PAK3: variants seen among roughly 807,000 people sequenced by gnomAD.
PAK3 encodes serine/threonine-protein kinase PAK 3.
Under a neutral mutation model 41.0 loss-of-function variants are expected in PAK3, and 4 were observed. The ratio of observed to expected loss-of-function variants is 0.10; its 90% CI spans 0.05 to 0.22. The LOEUF is 0.22. PAK3 is among the 10% of genes least tolerant of loss of function. The pLI is 1.00. For synonymous variants in PAK3, 146 were observed against 139.6 expected, an observed-to-expected ratio of 1.05 and a Z score of -0.32; for missense variants, 205 against 409.9, an observed-to-expected ratio of 0.50 and a Z score of 4.32.
chrX:111,089,803 A>G (rs765474783), intron 1 of PAK3, among the ~76,000 whole-genome samples: 2 of 111,137 alleles, frequency 1.8e-5, no homozygotes, highest in South Asian at 7.7e-4. Flanking sequence ...CTGTGAAATT[A>G]AAGAATTTAG....
At chrX:111,064,618 A>C (rs1241278273) in intron 1 of PAK3, among the ~76,000 whole-genome samples, 1 of 112,311 alleles carries the variant, frequency 8.9e-6, no homozygotes, top group Non-Finnish European at 1.9e-5. Context: ...GCTGCAAAGG[A>C]CATGATTTCA....
chrX:111,013,091 G>C (rs772703439), intron 1 of PAK3, among the ~76,000 whole-genome samples: 43 of 112,593 alleles, frequency 3.8e-4, no homozygotes, highest in Non-Finnish European at 6.6e-4. Flanking sequence ...TTCATATGTG[G>C]TTTGATTTAT....
At chrX:111,108,616 G>C (rs186463899) in intron 4 of PAK3, among the ~76,000 whole-genome samples, 1 of 112,585 alleles carries the variant, frequency 8.9e-6, no homozygotes, top group African/African-American at 3.2e-5. Flanking sequence ...GATGCCTGAT[G>C]ATCTGAGATG....
intron 1 of PAK3, among the ~76,000 whole-genome samples, chrX:110,963,074 C>T (rs915509396): frequency 8.9e-6 from 1 of 112,277 alleles, no homozygotes; most frequent in Admixed American, 9.4e-5. Flanking sequence ...GGCCTTGATG[C>T]AGGCACTATC....
At chrX:110,955,181 T>C (rs1332418264) in intron 1 of PAK3, among the ~76,000 whole-genome samples, 1 of 112,270 alleles carries the variant, frequency 8.9e-6, no homozygotes, top group Non-Finnish European at 1.9e-5. Context: ...ATTTCCAGAC[T>C]ATACGTATGG....
chrX:111,092,647 G>A (rs2092938774), upstream of PAK3, among the ~76,000 whole-genome samples: 1 of 111,521 alleles, frequency 9.0e-6, no homozygotes, highest in Non-Finnish European at 1.9e-5. Flanking sequence ...AGTTTCACAG[G>A]TGTATACTTA....
intron 16 of PAK3, among the ~76,000 whole-genome samples, chrX:111,207,287 G>A (rs1447746143): frequency 9.1e-6 from 1 of 110,062 alleles, no homozygotes; most frequent in African/African-American, 3.3e-5. Context: ...TGATCCACGG[G>A]TGTGAAATCC....
chrX:110,978,479 G>T (rs1239876770), intron 1 of PAK3, among the ~76,000 whole-genome samples: 1 of 110,771 alleles, frequency 9.0e-6, no homozygotes, highest in Non-Finnish European at 1.9e-5. Flanking sequence ...TGATATGGTG[G>T]ATTACAATGG....
intron 1 of PAK3, among the ~76,000 whole-genome samples, chrX:111,088,401 T>C (rs1218355865): frequency 1.8e-5 from 2 of 111,847 alleles, no homozygotes. Context: ...GACGTCTATG[T>C]AATAATGTCC....
At chrX:111,012,411 T>C (rs1283651155) in intron 1 of PAK3, among the ~76,000 whole-genome samples, 1 of 112,103 alleles carries the variant, frequency 8.9e-6, no homozygotes, top group Non-Finnish European at 1.9e-5. Flanking sequence ...CTAACTGGAC[T>C]AATTTCTCCA....
intron 16 of PAK3, among the ~76,000 whole-genome samples, chrX:111,207,107 T>C (rs1603390725): frequency 1.8e-5 from 2 of 108,226 alleles, no homozygotes; most frequent in African/African-American, 3.4e-5. Flanking sequence ...TGTATATATA[T>C]ATACATATAT....
At chrX:111,160,050 T>G (rs2094150897) in intron 8 of PAK3, among the ~76,000 whole-genome samples, 1 of 111,777 alleles carries the variant, frequency 8.9e-6, no homozygotes, top group African/African-American at 3.3e-5. Flanking sequence ...ATTAATAGGC[T>G]GCCTATAACT....
intron 5 of PAK3, 59 bp downstream of exon 5, chrX:111,123,337 T>C: frequency 9.9e-7 from 1 of 1,012,506 alleles, no homozygotes; most frequent in Non-Finnish European, 1.4e-6. Flanking sequence ...ATTTTCACTT[T>C]CTTTCTTAGG....
chrX:111,034,132 C>A, intron 1 of PAK3, among the ~76,000 whole-genome samples: 1 of 111,240 alleles, frequency 9.0e-6, no homozygotes, highest in Non-Finnish European at 1.9e-5. Flanking sequence ...ATGAGGAAGG[C>A]AGCTAGAGAG....
chrX:111,125,506 A>G (rs1344009156), intron 5 of PAK3, among the ~76,000 whole-genome samples: 1 of 111,639 alleles, frequency 9.0e-6, no homozygotes, highest in African/African-American at 3.3e-5. Context: ...CAGCAATAAG[A>G]AACAGGAGCA....
intron 5 of PAK3, among the ~76,000 whole-genome samples, chrX:111,135,308 C>T (rs2149061234): frequency 9.0e-6 from 1 of 111,593 alleles, no homozygotes; most frequent in South Asian, 3.8e-4. Context: ...TAGAGAAAAG[C>T]ACTTAATTAG....
chrX:111,011,084 G>C lies in PAK3; in HGVS notation c.-28+66456G>C, dbSNP rs187077679. 4.2e-3 allele frequency among the ~76,000 whole-genome samples: 465 copies of C among 111,852 alleles called. 3 individuals carry two copies. The highest frequency in any genetic ancestry group is 0.015 in the African/African-American group (454 of 30,796). The stretch of plus-strand genomic sequence containing the variant: ...TTTGCACAGTGCTTGCCTCATAGTG[G>C]GTGCTCAAAAGATGGTGCCTCTTTT... On this transcript the variant is annotated intron_variant, in intron 1 of 14. Transcript: ENST00000425146.
At chrX:111,109,542 T>C in intron 4 of PAK3, among the ~76,000 whole-genome samples, 1 of 112,098 alleles carries the variant, frequency 8.9e-6, no homozygotes, top group Non-Finnish European at 1.9e-5. Flanking sequence ...TGCAGAAATG[T>C]GTCCTGTTCA....
chrX:111,034,505 A>G (rs2092373487), intron 1 of PAK3, among the ~76,000 whole-genome samples: 1 of 111,709 alleles, frequency 9.0e-6, no homozygotes, highest in Non-Finnish European at 1.9e-5. Context: ...TTTATTACAC[A>G]GTGATGCTTC....
Sources: allele counts gnomAD v4.1 joint callset (sites outside exome capture counted in the v4.1 genomes callset), GRCh38; gene constraint gnomAD v4.1.1; transcripts MANE v1.5; gene names NCBI Gene and HGNC (gene_info 2026-07-23, HGNC 2026-07-21).